The following KLHL1 variants were observed in gnomAD, a reference collection of about 807,000 sequenced individuals.
KLHL1 encodes kelch-like protein 1.
KLHL1 carries 47 observed loss-of-function variants against 77.7 expected under a neutral mutation model. The ratio of observed to expected loss-of-function variants is 0.60; its 90% CI spans 0.48 to 0.77. The LOEUF is 0.77. Ranked by LOEUF, KLHL1 falls within the 30% of genes least tolerant of loss-of-function variation. KLHL1 has a pLI of 0.00. For synonymous variants in KLHL1, 360 were observed against 325.2 expected (o/e 1.11, Z -1.15); for missense variants, 925 against 910.8 (o/e 1.02, Z -0.20).
chr13:69,913,094 C>G (rs1199032967), intron 4 of KLHL1, among the ~76,000 whole-genome samples: 1 of 152,146 alleles, frequency 6.6e-6, no homozygotes, highest in Admixed American at 6.6e-5. Context: ...CTTCCCCACC[C>G]AGCTATGCCT....
intron 7 of KLHL1, among the ~76,000 whole-genome samples, chr13:69,748,582 T>A (rs9317842): frequency 0.41 from 62,425 of 151,420 alleles, 13,049 homozygotes; most frequent in African/African-American, 0.46. Context: ...TTGGGTGGGG[T>A]CACAGAGCCA....
At chr13:69,744,668 A>G (rs1874131860) in intron 7 of KLHL1, among the ~76,000 whole-genome samples, 1 of 151,688 alleles carries the variant, frequency 6.6e-6, no homozygotes, top group African/African-American at 2.4e-5. Flanking sequence ...ACCCCCCCCA[A>G]AAGCTAACCG....
At chr13:69,996,397 G>A (rs957615787) in intron 1 of KLHL1, among the ~76,000 whole-genome samples, 3 of 152,104 alleles carry the variant, frequency 2.0e-5, no homozygotes, top group Non-Finnish European at 2.9e-5. Flanking sequence ...AGATAAAAAT[G>A]TCAGATGGAT....
intron 8 of KLHL1, among the ~76,000 whole-genome samples, chr13:69,722,134 A>G (rs1301502507): frequency 6.6e-6 from 1 of 152,046 alleles, no homozygotes; most frequent in African/African-American, 2.4e-5. Flanking sequence ...CATAGTTTAT[A>G]AATAAACATG....
chr13:69,835,251 G>A (rs1419583436), intron 6 of KLHL1, among the ~76,000 whole-genome samples: 1 of 152,162 alleles, frequency 6.6e-6, no homozygotes, highest in Non-Finnish European at 1.5e-5. Context: ...AGAAGACTCA[G>A]GCTGAAATGC....
At chr13:69,778,143 T>G (rs1348135911) in intron 7 of KLHL1, among the ~76,000 whole-genome samples, 3 of 152,176 alleles carry the variant, frequency 2.0e-5, no homozygotes, top group Admixed American at 1.3e-4. Flanking sequence ...AAGGATGAGG[T>G]TGCTATAAAA....
At chr13:70,030,381 A>G (rs1886065932) in intron 1 of KLHL1, among the ~76,000 whole-genome samples, 1 of 152,106 alleles carries the variant, frequency 6.6e-6, no homozygotes, top group African/African-American at 2.4e-5. Flanking sequence ...AACAGAAATT[A>G]TAACAAACTG....
intron 7 of KLHL1, among the ~76,000 whole-genome samples, chr13:69,774,672 A>G (rs375483923): frequency 6.7e-6 from 1 of 149,088 alleles, no homozygotes; most frequent in Non-Finnish European, 1.5e-5. Flanking sequence ...ATAAAAAAAA[A>G]CACACACACA....
chr13:70,040,516 T>C (rs1886350802), intron 1 of KLHL1, among the ~76,000 whole-genome samples: 1 of 152,204 alleles, frequency 6.6e-6, no homozygotes. Flanking sequence ...CTTTAGGCAC[T>C]TGAAAACTAT....
chr13:70,053,579 A>C (rs1318408929), intron 1 of KLHL1, among the ~76,000 whole-genome samples: 1 of 152,132 alleles, frequency 6.6e-6, no homozygotes, highest in Non-Finnish European at 1.5e-5. Flanking sequence ...TTTAAAAAAC[A>C]GTGGTAAGAC....
At chr13:69,756,830 C>T (rs1874766077) in intron 7 of KLHL1, among the ~76,000 whole-genome samples, 1 of 152,218 alleles carries the variant, frequency 6.6e-6, no homozygotes, top group South Asian at 2.1e-4. Context: ...AGATAATCCA[C>T]ATGTGAACAG....
At chr13:70,037,920 T>G (rs1348246223) in intron 1 of KLHL1, among the ~76,000 whole-genome samples, 1 of 152,308 alleles carries the variant, frequency 6.6e-6, no homozygotes, top group African/African-American at 2.4e-5. Context: ...TTAGACTTTT[T>G]TATATACATT....
At chr13:69,897,671 C>T (rs1299187123) in intron 4 of KLHL1, among the ~76,000 whole-genome samples, 1 of 152,108 alleles carries the variant, frequency 6.6e-6, no homozygotes, top group Non-Finnish European at 1.5e-5. Flanking sequence ...AGGACATGAA[C>T]ACCTGATACC....
chr13:69,836,612 T>C (rs1168418188), intron 6 of KLHL1, among the ~76,000 whole-genome samples: 1 of 152,078 alleles, frequency 6.6e-6, no homozygotes, highest in Non-Finnish European at 1.5e-5. Context: ...TTTCTGTTAC[T>C]CTAAGTGTTT....
intron 1 of KLHL1, among the ~76,000 whole-genome samples, chr13:69,990,881 C>T (rs368822869): frequency 6.6e-6 from 1 of 151,866 alleles, no homozygotes; most frequent in East Asian, 1.9e-4. Flanking sequence ...GGTACATGCT[C>T]TAAAGTCAAC....
At chr13:69,842,107 G>C (rs1879285214) in intron 5 of KLHL1, among the ~76,000 whole-genome samples, 1 of 151,816 alleles carries the variant, frequency 6.6e-6, no homozygotes, top group South Asian at 2.1e-4. Context: ...AGAAAACCTA[G>C]AGAAAGTTCT....
rs150379817 is a variant in KLHL1, at chr13:69,860,521, T to G, written c.1228-21359A>C. On this transcript the variant is annotated intron_variant, in intron 5 of 10. Transcript: ENST00000377844. Reference sequence around the variant, plus strand: ...GTTGAAGGGAATGTTTATAGATTCATGAATCCAAAGTCTTAAATATGAGTC... The same window carrying G: ...GTTGAAGGGAATGTTTATAGATTCAGGAATCCAAAGTCTTAAATATGAGTC... 4.8e-3 allele frequency among the ~76,000 whole-genome samples: 729 copies of G among 152,138 alleles called. 5 individuals are homozygous for G. Among genetic ancestry groups the G allele is most frequent in the African/African-American group, 0.017 (695 of 41,576 alleles).
intron 5 of KLHL1, among the ~76,000 whole-genome samples, chr13:69,873,114 C>T (rs139880817): frequency 2.0e-4 from 31 of 152,192 alleles, no homozygotes; most frequent in African/African-American, 7.2e-4. Flanking sequence ...GTCCAAATTC[C>T]TCCTTGCCGG....
intron 4 of KLHL1, among the ~76,000 whole-genome samples, chr13:69,918,767 T>G (rs1593949043): frequency 6.6e-6 from 1 of 152,166 alleles, no homozygotes; most frequent in African/African-American, 2.4e-5. Context: ...AAAGCCAGTT[T>G]GTGAGATTAC....
Sources: allele counts gnomAD v4.1 joint callset (sites outside exome capture counted in the v4.1 genomes callset), GRCh38; gene constraint gnomAD v4.1.1; transcripts MANE v1.5; gene names NCBI Gene and HGNC (gene_info 2026-07-23, HGNC 2026-07-21).